The following PTPRD variants were observed in gnomAD, a reference collection of about 807,000 sequenced individuals.
PTPRD encodes the protein protein tyrosine phosphatase receptor type D.
PTPRD carries 34 observed loss-of-function variants against 214.5 expected under a neutral mutation model. That is an observed-to-expected ratio of 0.16 (90% CI 0.12 to 0.21). The LOEUF is 0.21. Ranked by LOEUF, PTPRD falls within the 10% of genes least tolerant of loss-of-function variation. PTPRD has a pLI of 1.00. For missense variants in PTPRD, 2,545 were observed against 2,398.7 expected, an observed-to-expected ratio of 1.06 and a Z score of -1.27; for synonymous variants, 1,128 against 845.7, an observed-to-expected ratio of 1.33 and a Z score of -5.79.
At chr9:10,545,681 A>G (rs1383338971) in intron 2 of PTPRD, among the ~76,000 whole-genome samples, 1 of 152,202 alleles carries the variant, frequency 6.6e-6, no homozygotes, top group Non-Finnish European at 1.5e-5. Context: ...ATGTAGAAGT[A>G]TAAATAAAGG....
chr9:9,584,890 T>A (rs892619962), intron 7 of PTPRD, among the ~76,000 whole-genome samples: 2 of 152,148 alleles, frequency 1.3e-5, no homozygotes, highest in Middle Eastern at 3.4e-3. Flanking sequence ...TTACACGTCT[T>A]ATGATTTGCA....
chr9:9,538,147 G>C (rs1474528091), intron 8 of PTPRD, among the ~76,000 whole-genome samples: 1 of 151,552 alleles, frequency 6.6e-6, no homozygotes, highest in South Asian at 2.1e-4. Flanking sequence ...CTCATATTTC[G>C]CAGTGGTGTT....
At chr9:10,085,602 C>T (rs750737314) in intron 3 of PTPRD, among the ~76,000 whole-genome samples, 8 of 145,360 alleles carry the variant, frequency 5.5e-5, no homozygotes, top group African/African-American at 2.3e-4. Context: ...AAATGAGACA[C>T]AGAGAAGAAA....
intron 3 of PTPRD, among the ~76,000 whole-genome samples, chr9:10,111,435 T>G (rs540612182): frequency 6.6e-6 from 1 of 151,538 alleles, no homozygotes; most frequent in Non-Finnish European, 1.5e-5. Flanking sequence ...AGACGGGGTT[T>G]CACCGTTTTA....
intron 5 of PTPRD, among the ~76,000 whole-genome samples, chr9:9,789,353 G>A (rs1198812895): frequency 2.6e-5 from 4 of 152,140 alleles, no homozygotes; most frequent in African/African-American, 9.7e-5. Flanking sequence ...GAAGTGCACT[G>A]GATGTCACAT....
At chr9:10,415,465 C>T (rs775167987) in intron 2 of PTPRD, among the ~76,000 whole-genome samples, 3 of 151,688 alleles carry the variant, frequency 2.0e-5, no homozygotes, top group Non-Finnish European at 2.9e-5. Flanking sequence ...TTTAATATTT[C>T]CTAAAATCAA....
At chr9:10,596,460 C>T (rs2076648485) in intron 2 of PTPRD, among the ~76,000 whole-genome samples, 1 of 151,224 alleles carries the variant, frequency 6.6e-6, no homozygotes, top group African/African-American at 2.4e-5. Flanking sequence ...ATATTTTGTT[C>T]TAAAATAATG....
At chr9:10,266,809 T>C (rs928261686) in intron 3 of PTPRD, among the ~76,000 whole-genome samples, 52 of 152,174 alleles carry the variant, frequency 3.4e-4, no homozygotes, top group African/African-American at 1.2e-3. Context: ...AAATTTAGCG[T>C]GTAAAGCCCA....
chr9:8,326,824 G>T (rs551322838), intron 44 of PTPRD, among the ~76,000 whole-genome samples: 24 of 148,820 alleles, frequency 1.6e-4, no homozygotes, highest in South Asian at 9.0e-4. Context: ...ATTTCTTCTA[G>T]ATTTTCTAGT....
At chr9:8,835,820 G>T (rs1001622291) in intron 11 of PTPRD, among the ~76,000 whole-genome samples, 11 of 152,148 alleles carry the variant, frequency 7.2e-5, no homozygotes, top group Non-Finnish European at 1.5e-4. Flanking sequence ...CCATAGGCAT[G>T]AGCCACTTCA....
chr9:8,464,960 G>A (rs2096514648), intron 32 of PTPRD, among the ~76,000 whole-genome samples: 1 of 151,860 alleles, frequency 6.6e-6, no homozygotes, highest in Non-Finnish European at 1.5e-5. Context: ...AGGCACTGTG[G>A]TCTCACTTGG....
Position 8,841,818 on chromosome 9 carries a change from C to T in PTPRD, c.-103-107872G>A, listed in dbSNP as rs371916071. Among the ~76,000 whole-genome samples, 6 of 152,082 alleles carry T rather than the reference C, an allele frequency of 3.9e-5. No homozygotes were observed. The East Asian group carries it at 9.7e-4, about 25-fold the overall frequency. On this transcript the variant is annotated intron_variant, in intron 11 of 45. Transcript: ENST00000381196. ...TTTGAGGTCAAGAGTTCAAGACCAG[C>T]CTGGCCAACATGGTGAACCCCATCT...
At chr9:10,074,157 A>G (rs966955575) in intron 3 of PTPRD, among the ~76,000 whole-genome samples, 1 of 152,132 alleles carries the variant, frequency 6.6e-6, no homozygotes, top group African/African-American at 2.4e-5. Context: ...GCCGATGTTT[A>G]CTGGATAGAA....
intron 5 of PTPRD, among the ~76,000 whole-genome samples, chr9:9,830,841 T>C (rs1309943393): frequency 6.6e-6 from 1 of 151,952 alleles, no homozygotes; most frequent in Non-Finnish European, 1.5e-5. Flanking sequence ...GTTTTCAAAA[T>C]CTATCCAATA....
intron 9 of PTPRD, among the ~76,000 whole-genome samples, chr9:9,362,505 G>C (rs1045055237): frequency 1.3e-5 from 2 of 151,052 alleles, no homozygotes; most frequent in African/African-American, 4.8e-5. Context: ...GTCCCTTGTG[G>C]TACTTCATTG....
chr9:8,560,142 C>T (rs1198236207), intron 14 of PTPRD, among the ~76,000 whole-genome samples: 1 of 152,078 alleles, frequency 6.6e-6, no homozygotes. Context: ...ATTCATATAA[C>T]CTTAAAAGTA....
intron 5 of PTPRD, among the ~76,000 whole-genome samples, chr9:9,859,532 A>G (rs967819320): frequency 6.6e-6 from 1 of 152,224 alleles, no homozygotes; most frequent in African/African-American, 2.4e-5. Flanking sequence ...TAAGTTTATA[A>G]TAATGATTTA....
intron 4 of PTPRD, among the ~76,000 whole-genome samples, chr9:9,998,081 G>A (rs1262097732): frequency 2.1e-5 from 3 of 140,808 alleles, no homozygotes; most frequent in Non-Finnish European, 4.5e-5. Context: ...AAACCTGCAC[G>A]CTGTGCACAT....
At chr9:9,548,405 C>CTTTT (rs1157663823) in intron 8 of PTPRD, among the ~76,000 whole-genome samples, 13 of 118,540 alleles carry the variant, frequency 1.1e-4, no homozygotes, top group African/African-American at 1.2e-4. Flanking sequence ...GACTTTTTTT[C>CTTTT]TTTTTTTTTT....
Sources: allele counts gnomAD v4.1 joint callset (sites outside exome capture counted in the v4.1 genomes callset), GRCh38; gene constraint gnomAD v4.1.1; transcripts MANE v1.5; gene names NCBI Gene and HGNC (gene_info 2026-07-23, HGNC 2026-07-21).